Variants in EMSY observed in about 807,000 individuals in gnomAD.
EMSY encodes EMSY transcriptional repressor, BRCA2 interacting, also known as BRCA2-interacting transcriptional repressor EMSY.
In EMSY, 26 loss-of-function variants were observed where a neutral mutation model predicts 134.6. That is an observed-to-expected ratio of 0.19 (90% CI 0.14 to 0.27). The LOEUF is 0.27. EMSY is among the 10% of genes least tolerant of loss of function. The pLI, the probability that EMSY is intolerant of heterozygous loss-of-function variation, is 1.00. For synonymous variants in EMSY, 579 were observed against 577.8 expected (o/e 1.00, Z -0.03); for missense variants, 1,305 against 1,611.4 (o/e 0.81, Z 3.26).
chr11:76,521,630 G>A (rs894137465), intron 11 of EMSY, among the ~76,000 whole-genome samples: 6 of 151,980 alleles, frequency 3.9e-5, no homozygotes, highest in African/African-American at 1.5e-4. Context: ...CAGGCATGGT[G>A]GCACATACCT....
intron 6 of EMSY, 125 bp from the exon 8 acceptor site, chr11:76,463,696 T>C: frequency 9.7e-7 from 1 of 1,034,524 alleles, no homozygotes; most frequent in Non-Finnish European, 1.4e-6. Flanking sequence ...GGAAGATTGA[T>C]AGAACTTATT....
chr11:76,526,108 T>TA lies in EMSY; in HGVS notation c.1822-353dup, dbSNP rs202086932. On this transcript the variant is annotated intron_variant, in intron 12 of 20. Coordinates refer to ENST00000334736, the Ensembl canonical transcript of EMSY. ...GGTTAAGACTTATAATCCCAATTCT[T>TA]AGAGACAAGCATTAGCAGTGTACTA... is the stretch of plus-strand genomic sequence containing the variant. Among the ~76,000 whole-genome samples the TA allele has an allele frequency of 5.4e-3, 819 of 152,318 alleles. 18 individuals are homozygous for TA. In the East Asian group the frequency reaches 0.059, roughly 11 times the overall value.
chr11:76,484,896 C>A (rs1949119825), intron 8 of EMSY, among the ~76,000 whole-genome samples: 1 of 150,954 alleles, frequency 6.6e-6, no homozygotes. Context: ...CATTGCACAC[C>A]CAGCCTGGGT....
chr11:76,495,689 AT>A (rs982165163), intron 8 of EMSY, among the ~76,000 whole-genome samples: 1 of 151,940 alleles, frequency 6.6e-6, no homozygotes, highest in Non-Finnish European at 1.5e-5. Flanking sequence ...TTTTATTAAA[AT>A]TTTTTTTCCT....
rs199782222 is a variant in EMSY at position 76,505,083 on chromosome 11, T to TA, written c.1364-8302dup. ...AGTGAAGTGTTCTAAAATCAATTGT[T>TA]ATGATGGCTGAACATATCTGTGAAT... On this transcript the variant is annotated intron_variant, in intron 9 of 20. Transcript: ENST00000334736. Among the ~76,000 whole-genome samples the TA allele has an allele frequency of 4.6e-3, 707 of 152,334 alleles. 4 individuals are homozygous for TA. Among genetic ancestry groups the TA allele is most frequent in the African/African-American group, 0.016 (662 of 41,574 alleles).
In EMSY at chr11:76,544,827, C is replaced by T. The variant is rs747333794; in HGVS notation, c.3273+5C>T. 1.6e-5 allele frequency: 25 copies of T among 1,612,596 alleles called. No homozygotes were observed. The highest frequency in any genetic ancestry group is 6.7e-5 in the East Asian group (3 of 44,866). On this transcript the variant is annotated splice_donor_5th_base_variant and intron_variant, in intron 19 of 20. Coordinates refer to ENST00000334736, the Ensembl canonical transcript of EMSY. ...GAGAAACAGACGGCAAGCCAGGTAA[C>T]GGAATATTGATAGCATGCAAAGTTA...
chr11:76,542,108 A>G, intron 17 of EMSY, 108 bp from the exon 19 acceptor site: 1 of 1,410,436 alleles, frequency 7.1e-7, no homozygotes, highest in Non-Finnish European at 1.0e-6. Flanking sequence ...TCACAATACT[A>G]CACTTTCTTT....
rs1947436558 is a variant in EMSY at position 76,446,881 on chromosome 11, T to C, written c.-39-19T>C. 5 of 1,550,884 alleles carry C rather than the reference T, an allele frequency of 3.2e-6. No homozygotes were observed. The South Asian group carries it at 3.6e-5, about 11-fold the overall frequency. ...CTTTGGTACTTTGGTAATTTGACTT[T>C]TTTTTTTTGTTCTGGTAGGGAGGAC... On this transcript the variant is annotated intron_variant, in intron 1 of 20. Coordinates refer to ENST00000334736, the Ensembl canonical transcript of EMSY.
At chr11:76,466,541 A>G (rs1280870101) in intron 7 of EMSY, among the ~76,000 whole-genome samples, 1 of 152,174 alleles carries the variant, frequency 6.6e-6, no homozygotes, top group Non-Finnish European at 1.5e-5. Context: ...GACTGGAGGT[A>G]AATTCTGTGT....
intron 4 of EMSY, among the ~76,000 whole-genome samples, chr11:76,455,462 A>G (rs1947831026): frequency 6.6e-6 from 1 of 152,096 alleles, no homozygotes; most frequent in African/African-American, 2.4e-5. Context: ...GCCTAGTTCC[A>G]AAGATTATCT....
intron 20 of EMSY, 119 bp from the exon 22 acceptor site, chr11:76,549,833 A>T: frequency 1.2e-6 from 1 of 807,744 alleles, no homozygotes; most frequent in Non-Finnish European, 1.9e-6. Flanking sequence ...GGCATGTAGT[A>T]GTTGTCCAGT....
intron 1 of EMSY, among the ~76,000 whole-genome samples, chr11:76,446,349 G>GTGTATATA (rs1555036529): frequency 2.3e-5 from 3 of 130,378 alleles, no homozygotes; most frequent in African/African-American, 9.3e-5. Flanking sequence ...ATATATATGT[G>GTGTATATA]TATATATATA....
chr11:76,447,027 GT>G lies in EMSY; in HGVS notation c.70+25del. The G allele has an allele frequency of 1.9e-6, 3 of 1,610,556 alleles. No homozygotes were observed. Among genetic ancestry groups the G allele is most frequent in the Non-Finnish European group, 2.5e-6 (3 of 1,177,468 alleles). On this transcript the variant is annotated intron_variant, in intron 2 of 20. Transcript: ENST00000334736. ...AAATTGGGTATGACGTTCATTGTTT[GT>G]TTTTTACCTCTCTCTGATACCTTTT...
chr11:76,466,935 T>G (rs1948376792), intron 7 of EMSY, among the ~76,000 whole-genome samples: 1 of 152,236 alleles, frequency 6.6e-6, no homozygotes, highest in South Asian at 2.1e-4. Context: ...ACATAAGGTA[T>G]GTATTCAACA....
At chr11:76,468,364 C>T (rs1380753351) in intron 7 of EMSY, among the ~76,000 whole-genome samples, 3 of 152,136 alleles carry the variant, frequency 2.0e-5, no homozygotes, top group Non-Finnish European at 4.4e-5. Context: ...AAATAAGACT[C>T]ATTCATTCCA....
chr11:76,539,557 A>T, intron 16 of EMSY, 42 bp from the exon 18 acceptor site: 1 of 1,597,316 alleles, frequency 6.3e-7, no homozygotes, highest in Non-Finnish European at 8.6e-7. Context: ...CATGGTGAAC[A>T]GATGAAAAGA....
intron 16 of EMSY, among the ~76,000 whole-genome samples, chr11:76,538,232 G>C (rs1411860742): frequency 6.6e-6 from 1 of 152,042 alleles, no homozygotes; most frequent in Non-Finnish European, 1.5e-5. Flanking sequence ...AATATCTTTT[G>C]TCTAAGAATG....
chr11:76,487,850 T>A (rs1268036717), intron 8 of EMSY, among the ~76,000 whole-genome samples: 4 of 152,238 alleles, frequency 2.6e-5, no homozygotes, highest in African/African-American at 9.6e-5. Context: ...ACACTTATGA[T>A]CCCAAAGATT....
exon 21 of EMSY, chr11:76,549,955 A>G (rs757349240): frequency 1.2e-6 from 2 of 1,607,336 alleles, no homozygotes; most frequent in South Asian, 1.1e-5. Context: ...CTTCCAGGCT[A>G]TTCCTCAGTA....
Sources: allele counts gnomAD v4.1 joint callset (sites outside exome capture counted in the v4.1 genomes callset), GRCh38; gene constraint gnomAD v4.1.1; transcripts MANE v1.5; gene names NCBI Gene and HGNC (gene_info 2026-07-23, HGNC 2026-07-21).